BAHCC1: variants seen among roughly 807,000 people sequenced by gnomAD.
BAHCC1 encodes the protein BAH domain and coiled-coil containing 1, also known as BAH and coiled-coil domain-containing protein 1.
In BAHCC1, 43 loss-of-function variants were observed where a neutral mutation model predicts 88.2. The ratio of observed to expected loss-of-function variants is 0.49; its 90% CI spans 0.38 to 0.63. The LOEUF (loss-of-function observed/expected upper bound fraction) is 0.63, where lower values mean the gene tolerates loss of function less well. BAHCC1 is among the 20% of genes least tolerant of loss of function. The pLI, the probability that BAHCC1 is intolerant of heterozygous loss-of-function variation, is 0.00. For synonymous variants in BAHCC1, 1,510 were observed against 745.5 expected, an observed-to-expected ratio of 2.03 and a Z score of -16.71; for missense variants, 3,023 against 1,654.8, an observed-to-expected ratio of 1.83 and a Z score of -14.34.
At position 81,460,634 on chromosome 17, in the gene BAHCC1, T is replaced by TC; in HGVS notation, c.6135dup (p.Lys2046GlnfsTer18). On this transcript the variant is annotated frameshift_variant, in exon 25 of 28. Coordinates refer to ENST00000675386, the MANE Select transcript of BAHCC1 (RefSeq NM_001377448.1). ...TAGTGAAGCCGCCACCCCCAGCCTG[T>TC]CCCCCAAAGCACAGGACGGCCCCGA... is the stretch of plus-strand genomic sequence containing the variant. 2.6e-6 allele frequency: 2 copies of TC among 771,514 alleles called. No homozygotes were observed. Among genetic ancestry groups the TC allele is most frequent in the South Asian group, 1.4e-5 (1 of 73,398 alleles). The allele number at this position is 771,514 out of a possible 1,614,324, so 47.8% of individuals were successfully genotyped here. A position where few individuals can be genotyped will look rare whatever the true frequency, so the allele number is the denominator to read the frequency against.
rs1555652822 is a variant in BAHCC1 at position 81,442,434 on chromosome 17, G to A, written c.1085G>A (p.Gly362Asp). The change falls in exon 5 of 28, where the codon GGC (glycine) becomes GAC (aspartate). Residue 362 changes from glycine (G) to aspartate (D), a missense_variant. Transcript: ENST00000675386. ...CCCCCGCCCCTCAGCACAGCCGCCG[G>A]CTCCTTCCCCTGCCTGCAGCTGCAC... ...GPPPPLSTAA[G>D]SFPCLQLHGG... 3 of 708,770 alleles carry A rather than the reference G, an allele frequency of 4.2e-6. No individual in the cohort carries two copies. In the South Asian group the frequency reaches 4.5e-5, roughly 11 times the overall value. 43.9% of individuals were successfully genotyped at this position (708,770 alleles called of 1,614,324 possible).
chr17:81,460,752 CT>C, intron 25 of BAHCC1, 46 bp downstream of exon 25: 1 of 776,230 alleles, frequency 1.3e-6, no homozygotes, highest in Non-Finnish European at 2.4e-6. Context: ...AAGGCACCCT[CT>C]GGGGGCTGGG....
Position 81,466,327 on chromosome 17 carries a change from C to T in BAHCC1, c.*2510C>T, listed in dbSNP as rs1371050570. Reference sequence around the variant, plus strand: ...AAGAATAAATATATGGACTATTGTACAGGTTTTCGGTGGTCCAGGGTCCTG... The same window carrying T: ...AAGAATAAATATATGGACTATTGTATAGGTTTTCGGTGGTCCAGGGTCCTG... On this transcript the variant is annotated 3_prime_UTR_variant, in exon 28 of 28. Coordinates refer to ENST00000675386, the MANE Select transcript of BAHCC1 (RefSeq NM_001377448.1). 2.6e-5 allele frequency: 4 copies of T among 152,680 alleles called. No individual in the cohort carries two copies. The highest frequency in any genetic ancestry group is 4.1e-4 in the South Asian group (2 of 4,820). The allele number at this position is 152,680 out of a possible 1,614,324, so 9.5% of individuals were successfully genotyped here. A position where few individuals can be genotyped will look rare whatever the true frequency, so the allele number is the denominator to read the frequency against.
At chr17:81,400,325 CG>C (rs1555645846) in intron 2 of BAHCC1, among the ~76,000 whole-genome samples, 1 of 152,136 alleles carries the variant, frequency 6.6e-6, no homozygotes, top group Non-Finnish European at 1.5e-5. Context: ...GCTGTTGTGG[CG>C]GGGGGAGGGG....
In BAHCC1 at chr17:81,458,935, C is replaced by A. The variant is rs782497469; in HGVS notation, c.5571C>A (p.Ser1857Arg). Residue 1857 changes from serine to arginine, a missense_variant, in exon 20 of 28, where the codon AGC (serine) becomes AGA (arginine). Coordinates refer to ENST00000675386, the MANE Select transcript of BAHCC1 (RefSeq NM_001377448.1). ...EEDEEEEEED[S>R]GPLSAEQSAA... is the part of the protein sequence containing the mutation. The stretch of plus-strand genomic sequence containing the variant: ...ACGAGGAGGAAGAGGAGGAGGACAG[C>A]GGCCCTCTGAGCGCAGAGCAGAGCG... 6.6e-6 allele frequency: 5 copies of A among 761,114 alleles called. No individual in the cohort carries two copies. The East Asian group carries it at 9.8e-5, about 15-fold the overall frequency. The allele number at this position is 761,114 out of a possible 1,614,324, so 47.1% of individuals were successfully genotyped here. A position where few individuals can be genotyped will look rare whatever the true frequency, so the allele number is the denominator to read the frequency against.
chr17:81,401,194 A>G (rs1237379249), intron 2 of BAHCC1: 3 of 152,524 alleles, frequency 2.0e-5, no homozygotes, highest in African/African-American at 7.2e-5. Flanking sequence ...TACATTTTCT[A>G]GAAAAAAACA....
chr17:81,424,988 GTGGTGATAGTGA>G (rs2064159552), intron 2 of BAHCC1, among the ~76,000 whole-genome samples: 1 of 150,880 alleles, frequency 6.6e-6, no homozygotes, highest in Non-Finnish European at 1.5e-5. Flanking sequence ...GATGTGGTTG[GTGGTGATAGTGA>G]TGGGTGATGT....
At chr17:81,413,956 C>CCAGCCCACCTTGAGCTGACGCTGG (rs1193699959) in intron 2 of BAHCC1, among the ~76,000 whole-genome samples, 1 of 152,230 alleles carries the variant, frequency 6.6e-6, no homozygotes, top group African/African-American at 2.4e-5. Context: ...GGGGGCTCCC[C>CCAGCCCACCTTGAGCTGACGCTGG]CAGCCCACCT....
chr17:81,397,539 C>T (rs1395794446), intron 1 of BAHCC1, among the ~76,000 whole-genome samples: 8 of 152,128 alleles, frequency 5.3e-5, no homozygotes, highest in Non-Finnish European at 1.2e-4. Context: ...GGTTTCTGAC[C>T]TCCCTCCCTT....
At position 81,444,503 on chromosome 17, in the gene BAHCC1, AC is replaced by A; in HGVS notation, c.2452del (p.His818IlefsTer156). The A allele has an allele frequency of 1.5e-6, 1 of 687,256 alleles. No individual in the cohort carries two copies. 42.6% of individuals were successfully genotyped at this position (687,256 alleles called of 1,614,324 possible). On this transcript the variant is annotated frameshift_variant, in exon 7 of 28. Transcript: ENST00000675386. LOFTEE classifies it high-confidence loss of function. Reference protein sequence around the residue: ...QLGGDPAPHTHPHPPWLPRTR... With the variant: ...QLGGDPAPHTXPHPPWLPRTR... The stretch of plus-strand genomic sequence containing the variant: ...GGCGGGGACCCAGCCCCCCACACCC[AC>A]CCCCATCCCCCCTGGCTGCCCCGCA...
At position 81,456,079 on chromosome 17, in the gene BAHCC1, T is replaced by G. The variant is rs1193481472; in HGVS notation, c.4570-218T>G. Reference sequence around the variant, plus strand: ...ATGTCCCCTACGTGGGGTGGGCAGTTGGTGGGCAGTGGGTTGTGTGGGAAA... The same window carrying G: ...ATGTCCCCTACGTGGGGTGGGCAGTGGGTGGGCAGTGGGTTGTGTGGGAAA... On this transcript the variant is annotated intron_variant, in intron 15 of 27. Coordinates refer to ENST00000675386, the MANE Select transcript of BAHCC1 (RefSeq NM_001377448.1). The G allele has an allele frequency of 5.6e-6, 3 of 534,736 alleles. No individual in the cohort carries two copies. In the Admixed American group the frequency reaches 1.2e-4, roughly 21 times the overall value. The allele number at this position is 534,736 out of a possible 1,614,324, so 33.1% of individuals were successfully genotyped here.
At position 81,441,753 on chromosome 17, in the gene BAHCC1, T is replaced by A. The variant is rs556817171; in HGVS notation, c.482-78T>A. Reference sequence around the variant, plus strand: ...TGCCAGCTGGTGTCCGGGAGGCACCTGGAGCACCTGTCTCAGGGAGTCTTT... The same window carrying A: ...TGCCAGCTGGTGTCCGGGAGGCACCAGGAGCACCTGTCTCAGGGAGTCTTT... On this transcript the variant is annotated intron_variant, in intron 4 of 27. Transcript: ENST00000675386. 1,142 of 493,912 alleles carry A rather than the reference T, an allele frequency of 2.3e-3. 4 individuals are homozygous for A. The highest frequency in any genetic ancestry group is 2.3e-3 in the Non-Finnish European group (632 of 270,468). The allele number at this position is 493,912 out of a possible 1,614,324, so 30.6% of individuals were successfully genotyped here. A position where few individuals can be genotyped will look rare whatever the true frequency, so the allele number is the denominator to read the frequency against.
rs922118687 is a variant in BAHCC1, at chr17:81,443,535, G to A, written c.2186G>A (p.Arg729Gln). The change falls in exon 5 of 28, where the codon CGG becomes CAG. Residue 729 changes from arginine (R) to glutamine (Q), a missense_variant. Transcript: ENST00000675386. ...SEAAYGTNTARQGRAAPAFKG... is the reference protein window; with the variant it reads ...SEAAYGTNTAQQGRAAPAFKG... ...GCAGCCTACGGCACCAACACTGCGC[G>A]GCAGGGCCGGGCCGCCCCCGCCTTC... 4.1e-5 allele frequency: 27 copies of A among 655,824 alleles called. 1 individual carries two copies. The highest frequency in any genetic ancestry group is 1.6e-4 in the Admixed American group (7 of 44,558). The allele number at this position is 655,824 out of a possible 1,614,324, so 40.6% of individuals were successfully genotyped here.
intron 2 of BAHCC1, among the ~76,000 whole-genome samples, chr17:81,424,935 CTGATAGTGGTGGGTGA>C (rs2064158034): frequency 8.9e-6 from 1 of 112,456 alleles, no homozygotes; most frequent in South Asian, 3.2e-4. Context: ...GTGGTTGGTG[CTGATAGTGGTGGGTGA>C]TGTGGTTGGC....
Position 81,411,315 on chromosome 17 carries a change from C to A in BAHCC1, c.178+11398C>A, listed in dbSNP as rs545878194. Among the ~76,000 whole-genome samples the A allele has an allele frequency of 6.6e-6, 1 of 151,896 alleles. No individual in the cohort carries two copies. The highest frequency in any genetic ancestry group is 2.4e-5 in the African/African-American group (1 of 41,352). ...GACAGGCAGCAGGAGCTGGACGTGC[C>A]GTCAGCCCAGGCCCCTGAGAGTGAG... On this transcript the variant is annotated intron_variant, in intron 2 of 27. Transcript: ENST00000675386. The surrounding 1 kb of genome is among the most constrained non-coding windows in gnomAD (Gnocchi z 6.2).
chr17:81,452,655 T>C, intron 13 of BAHCC1, 68 bp from the exon 14 acceptor site: 1 of 642,330 alleles, frequency 1.6e-6, no homozygotes, highest in Middle Eastern at 2.5e-4. Context: ...GCCAATGCCC[T>C]CGGCTGGAAC....
intron 2 of BAHCC1, among the ~76,000 whole-genome samples, chr17:81,408,031 G>C (rs2063902729): frequency 1.3e-5 from 2 of 152,186 alleles, no homozygotes; most frequent in Admixed American, 1.3e-4. Context: ...CAGAGCCCCA[G>C]ATCCACATGA....
rs538187257 is a variant in BAHCC1 at position 81,419,043 on chromosome 17, CA to C, written c.179-7756del. On this transcript the variant is annotated intron_variant, in intron 2 of 27. Transcript: ENST00000675386. ...CTCGAGTCTGGACCACTAGTGATTG[CA>C]GCCAGGGTGGGGGAAGCATCACTGG... Among the ~76,000 whole-genome samples the C allele has an allele frequency of 1.8e-4, 27 of 152,272 alleles. 1 individual carries two copies. The South Asian group carries it at 5.6e-3, about 32-fold the overall frequency.
intron 2 of BAHCC1, among the ~76,000 whole-genome samples, chr17:81,413,599 C>T (rs2063983411): frequency 6.6e-6 from 1 of 152,260 alleles, no homozygotes; most frequent in Non-Finnish European, 1.5e-5. Flanking sequence ...GGTCCGTTCC[C>T]AGACGTCCTG....
Sources: allele counts gnomAD v4.1 joint callset (sites outside exome capture counted in the v4.1 genomes callset), GRCh38; gene constraint gnomAD v4.1.1; non-coding constraint Gnocchi (gnomAD v3.1); transcripts MANE v1.5; gene names NCBI Gene and HGNC (gene_info 2026-07-23, HGNC 2026-07-21).